Variants in NLGN1 observed in about 807,000 individuals in gnomAD.
NLGN1 encodes the protein neuroligin-1.
Under a neutral mutation model 65.5 loss-of-function variants are expected in NLGN1, and 12 were observed. The ratio of observed to expected loss-of-function variants is 0.18; its 90% CI spans 0.12 to 0.30. The LOEUF (loss-of-function observed/expected upper bound fraction) is 0.30, where lower values mean the gene tolerates loss of function less well. NLGN1 is among the 10% of genes least tolerant of loss of function. NLGN1 has a pLI of 1.00. For synonymous variants in NLGN1, 350 were observed against 359.5 expected, an observed-to-expected ratio of 0.97 and a Z score of 0.30; for missense variants, 750 against 1,007.1, an observed-to-expected ratio of 0.74 and a Z score of 3.46.
At chr3:174,106,317 ATAC>A (rs1230196706) in intron 4 of NLGN1, among the ~76,000 whole-genome samples, 1 of 152,096 alleles carries the variant, frequency 6.6e-6, no homozygotes, top group Non-Finnish European at 1.5e-5. Context: ...AGGATCAGTT[ATAC>A]TTTTCTATTA....
chr3:173,681,667 A>G (rs1763965180), intron 3 of NLGN1, among the ~76,000 whole-genome samples: 1 of 152,202 alleles, frequency 6.6e-6, no homozygotes, highest in Non-Finnish European at 1.5e-5. Context: ...CTCTAGACTC[A>G]GACTGCTAGT....
At chr3:173,995,599 C>G (rs1722089025) in intron 4 of NLGN1, among the ~76,000 whole-genome samples, 1 of 151,098 alleles carries the variant, frequency 6.6e-6, no homozygotes, top group Non-Finnish European at 1.5e-5. Flanking sequence ...GTGAATTGAT[C>G]AGTCACTCCA....
chr3:173,997,189 AATT>A (rs1297849354), intron 4 of NLGN1, among the ~76,000 whole-genome samples: 2 of 152,232 alleles, frequency 1.3e-5, no homozygotes, highest in South Asian at 2.1e-4. Flanking sequence ...ATGAGATAAT[AATT>A]ATTAATTATT....
intron 3 of NLGN1, among the ~76,000 whole-genome samples, chr3:173,678,546 A>G (rs1051147692): frequency 2.0e-5 from 3 of 152,048 alleles, no homozygotes; most frequent in Non-Finnish European, 4.4e-5. Flanking sequence ...AAACAGAAAG[A>G]TCCACATCAT....
chr3:173,520,935 G>A (rs943898668), intron 2 of NLGN1, among the ~76,000 whole-genome samples: 5 of 152,182 alleles, frequency 3.3e-5, no homozygotes, highest in Admixed American at 3.3e-4. Context: ...TAGCATGAGA[G>A]GTGAAATAGT....
At chr3:173,509,468 C>G (rs1007827190) in intron 2 of NLGN1, among the ~76,000 whole-genome samples, 2 of 151,990 alleles carry the variant, frequency 1.3e-5, no homozygotes, top group African/African-American at 4.8e-5. Context: ...CAAAAATTAG[C>G]TGAGCATGGT....
intron 3 of NLGN1, among the ~76,000 whole-genome samples, chr3:173,635,835 A>G (rs1445329278): frequency 1.3e-5 from 2 of 152,154 alleles, no homozygotes; most frequent in Non-Finnish European, 2.9e-5. Flanking sequence ...ACATTTCTGA[A>G]AGGAGTGAGT....
At chr3:173,915,082 G>A (rs2152239208) in intron 4 of NLGN1, 1 of 152,252 alleles carries the variant, frequency 6.6e-6, no homozygotes, top group Admixed American at 6.5e-5. Context: ...TAGCTGGTTG[G>A]AGCAACATAT....
chr3:173,890,173 G>A (rs1735069945), intron 4 of NLGN1, among the ~76,000 whole-genome samples: 1 of 152,124 alleles, frequency 6.6e-6, no homozygotes, highest in African/African-American at 2.4e-5. Context: ...AACTTGGGTT[G>A]CAGGAGGAAA....
At chr3:173,840,811 C>T (rs1724628444) in intron 4 of NLGN1, among the ~76,000 whole-genome samples, 1 of 152,102 alleles carries the variant, frequency 6.6e-6, no homozygotes, top group African/African-American at 2.4e-5. Context: ...TTTTCTTAAC[C>T]ACAGTGCAGC....
intron 2 of NLGN1, among the ~76,000 whole-genome samples, chr3:173,435,495 G>A (rs1007495902): frequency 1.3e-5 from 2 of 151,980 alleles, no homozygotes; most frequent in Admixed American, 6.6e-5. Flanking sequence ...TCACGGAAGC[G>A]TTATGTTGTG....
intron 2 of NLGN1, chr3:173,584,543 C>T (rs559390405): frequency 2.6e-5 from 4 of 151,114 alleles, no homozygotes; most frequent in South Asian, 4.2e-4. Flanking sequence ...TTCTTCTGGA[C>T]ATCAGCACCG....
At chr3:173,545,707 A>G (rs1005512558) in intron 2 of NLGN1, among the ~76,000 whole-genome samples, 2 of 152,214 alleles carry the variant, frequency 1.3e-5, no homozygotes, top group African/African-American at 2.4e-5. Context: ...ATGCCCATCA[A>G]TGATAGACTG....
At chr3:173,920,106 G>C (rs13321487) in intron 4 of NLGN1, among the ~76,000 whole-genome samples, 38,526 of 151,480 alleles carry the variant, frequency 0.25, 5,111 homozygotes, top group East Asian at 0.34. Context: ...TTCTAATGTT[G>C]ATCTTCAGGC....
At chr3:173,436,827 A>G (rs930057205) in intron 2 of NLGN1, among the ~76,000 whole-genome samples, 11 of 152,288 alleles carry the variant, frequency 7.2e-5, no homozygotes, top group Admixed American at 7.2e-4. Context: ...CAGTTACTAC[A>G]TCTTTTTATC....
chr3:174,284,627 G>A (rs1751917388), exon 7 of NLGN1: 1 of 151,136 alleles, frequency 6.6e-6, no homozygotes, highest in Non-Finnish European at 1.5e-5. Context: ...AGAGTATGAG[G>A]ATAGAAAAAT....
intron 1 of NLGN1, among the ~76,000 whole-genome samples, chr3:173,432,191 G>A (rs1245865539): frequency 6.6e-6 from 1 of 152,184 alleles, no homozygotes; most frequent in Non-Finnish European, 1.5e-5. Context: ...ATAAACACCT[G>A]TATGCAGGTT....
At chr3:173,524,980 T>A (rs944315311) in intron 2 of NLGN1, among the ~76,000 whole-genome samples, 1 of 152,192 alleles carries the variant, frequency 6.6e-6, no homozygotes, top group Non-Finnish European at 1.5e-5. Flanking sequence ...TAGTATTTTG[T>A]TGAGGATTTT....
intron 4 of NLGN1, among the ~76,000 whole-genome samples, chr3:174,066,683 T>C (rs1280527070): frequency 6.6e-6 from 1 of 151,972 alleles, no homozygotes; most frequent in African/African-American, 2.4e-5. Flanking sequence ...TTACATGATC[T>C]AAAGGTAAAA....
Sources: gnomAD v4.1 joint callset for allele counts (sites outside exome capture counted in the v4.1 genomes callset) on GRCh38, gnomAD v4.1.1 for gene constraint, MANE v1.5 for transcripts, NCBI Gene and HGNC (gene_info 2026-07-23, HGNC 2026-07-21) for gene names.